The following EPHA5 variants were observed in gnomAD, a reference collection of about 807,000 sequenced individuals.
EPHA5 encodes the protein ephrin type-A receptor 5.
A neutral mutation model predicts 105.0 loss-of-function variants in EPHA5; 60 were observed. The ratio of observed to expected loss-of-function variants is 0.57; its 90% CI spans 0.46 to 0.71. The LOEUF is 0.71. Ranked by LOEUF, EPHA5 falls within the 30% of genes least tolerant of loss-of-function variation. The pLI, the probability that EPHA5 is intolerant of heterozygous loss-of-function variation, is 0.00. For synonymous variants in EPHA5, 513 were observed against 449.1 expected, an observed-to-expected ratio of 1.14 and a Z score of -1.80; for missense variants, 1,218 against 1,274.7, an observed-to-expected ratio of 0.96 and a Z score of 0.68.
At chr4:65,552,345 A>C (rs2149342226) in intron 3 of EPHA5, among the ~76,000 whole-genome samples, 1 of 152,342 alleles carries the variant, frequency 6.6e-6, no homozygotes, top group South Asian at 2.1e-4. Context: ...ATTACTGCTA[A>C]GTTTGGCATA....
chr4:65,403,568 C>G (rs1483856789), intron 8 of EPHA5, among the ~76,000 whole-genome samples: 1 of 150,396 alleles, frequency 6.6e-6, no homozygotes, highest in South Asian at 2.1e-4. Context: ...TGTAGGAAAA[C>G]AGCATACTCT....
chr4:65,625,444 C>A (rs776853679), intron 2 of EPHA5, among the ~76,000 whole-genome samples: 1 of 152,066 alleles, frequency 6.6e-6, no homozygotes. Context: ...GTATGTAATA[C>A]CAGAGAAAAA....
At chr4:65,543,668 A>G (rs1450765350) in intron 3 of EPHA5, among the ~76,000 whole-genome samples, 1 of 151,972 alleles carries the variant, frequency 6.6e-6, no homozygotes, top group African/African-American at 2.4e-5. Flanking sequence ...TATAGATTCA[A>G]TGCTATTCTC....
chr4:65,418,076 C>T (rs189395674), intron 6 of EPHA5, among the ~76,000 whole-genome samples: 136 of 152,220 alleles, frequency 8.9e-4, no homozygotes, highest in African/African-American at 3.2e-3. Context: ...CTTATTGCAT[C>T]TCAGATAGTC....
At chr4:65,350,774 T>C (rs1020071603) in intron 13 of EPHA5, among the ~76,000 whole-genome samples, 2 of 152,048 alleles carry the variant, frequency 1.3e-5, no homozygotes, top group African/African-American at 4.8e-5. Flanking sequence ...TATAACAATA[T>C]GAGTTAGTGA....
chr4:65,430,975 ACT>A (rs1724915249), intron 5 of EPHA5, among the ~76,000 whole-genome samples: 1 of 151,934 alleles, frequency 6.6e-6, no homozygotes, highest in African/African-American at 2.4e-5. Flanking sequence ...TAATTGTAAA[ACT>A]CTTAGTTGTA....
chr4:65,348,030 G>T (rs1219882369), intron 14 of EPHA5, 24 bp downstream of exon 14: 1 of 1,546,264 alleles, frequency 6.5e-7, no homozygotes, highest in Non-Finnish European at 8.7e-7. Context: ...TTGTCAAGTT[G>T]GGAAAGAGTA....
intron 3 of EPHA5, among the ~76,000 whole-genome samples, chr4:65,515,966 G>A (rs1734069412): frequency 1.3e-5 from 2 of 152,156 alleles, no homozygotes; most frequent in Admixed American, 6.6e-5. Context: ...AGAGCTCTTT[G>A]TTCTCAGGCC....
Position 65,636,083 on chromosome 4 carries a change from A to G in EPHA5, c.246+7280T>C, listed in dbSNP as rs527496765. On this transcript the variant is annotated intron_variant, in intron 2 of 16. Coordinates refer to ENST00000613740, the MANE Select transcript of EPHA5 (RefSeq NM_001281766.3). The stretch of plus-strand genomic sequence containing the variant: ...TTAATTAAAATGAGATTTATATAAA[A>G]CAAGACTTTTACCTTTTAAGAAAGA... Among the ~76,000 whole-genome samples, 424 of 152,296 alleles carry G rather than the reference A, an allele frequency of 2.8e-3. 1 individual carries two copies. Among genetic ancestry groups the G allele is most frequent in the African/African-American group, 9.3e-3 (385 of 41,572 alleles).
chr4:65,445,799 A>G (rs1373492783), intron 5 of EPHA5, among the ~76,000 whole-genome samples: 1 of 152,180 alleles, frequency 6.6e-6, no homozygotes, highest in Non-Finnish European at 1.5e-5. Flanking sequence ...AAATCCACAT[A>G]TGGATAAAAC....
intron 5 of EPHA5, among the ~76,000 whole-genome samples, chr4:65,475,164 T>A (rs2149171903): frequency 6.6e-6 from 1 of 152,312 alleles, no homozygotes; most frequent in African/African-American, 2.4e-5. Flanking sequence ...CTGTTTTATT[T>A]TATTAGCCTT....
In EPHA5 at chr4:65,669,585, A is replaced by G; in HGVS notation, c.158T>C (p.Leu53Pro). The G allele has an allele frequency of 7.0e-7, 1 of 1,427,710 alleles. No individual in the cohort carries two copies. Among genetic ancestry groups the G allele is most frequent in the South Asian group, 1.7e-5 (1 of 60,542 alleles). 88.4% of individuals were successfully genotyped at this position (1,427,710 alleles called of 1,614,324 possible). A position where few individuals can be genotyped will look rare whatever the true frequency, so the allele number is the denominator to read the frequency against. ...ACCTTCGTTGCTGGGGCTGGCCAGG[A>G]GGGTCCGGAGTGCGGCGCACAGGAG... ...CLLLCAALRTLLASPSNEVNL... is the reference protein window; with the variant it reads ...CLLLCAALRTPLASPSNEVNL... The change falls in exon 1 of 17, where the codon CTC (leucine) becomes CCC (proline). Residue 53 changes from leucine (L) to proline (P), a missense_variant. Around this residue, in one of 3 missense-constraint regions of EPHA5, gnomAD observed 233 missense variants for 227.5 expected, o/e 1.02. Coordinates refer to ENST00000613740, the MANE Select transcript of EPHA5 (RefSeq NM_001281766.3).
intron 3 of EPHA5, among the ~76,000 whole-genome samples, chr4:65,525,501 T>G: frequency 6.6e-6 from 1 of 151,984 alleles, no homozygotes; most frequent in East Asian, 1.9e-4. Flanking sequence ...CTCTTCCTGC[T>G]CTTAAATTGT....
At chr4:65,507,930 ACTC>A (rs1733228504) in intron 3 of EPHA5, among the ~76,000 whole-genome samples, 1 of 150,610 alleles carries the variant, frequency 6.6e-6, no homozygotes, top group Non-Finnish European at 1.5e-5. Context: ...CAAATTCCCC[ACTC>A]ATAGTTTTTT....
In EPHA5 at chr4:65,404,490, A is replaced by T; in HGVS notation, c.1688-11T>A. ...TGGATGCTGCAACTGCTGATAGGAG[A>T]TACAGAAAATGGAGCTTGTGGTTAA... On this transcript the variant is annotated splice_polypyrimidine_tract_variant and intron_variant, in intron 7 of 16. Coordinates refer to ENST00000613740, the MANE Select transcript of EPHA5 (RefSeq NM_001281766.3). 1 of 1,611,568 alleles carries T rather than the reference A, an allele frequency of 6.2e-7. No individual in the cohort carries two copies. The highest frequency in any genetic ancestry group is 8.5e-7 in the Non-Finnish European group (1 of 1,177,990).
intron 4 of EPHA5, among the ~76,000 whole-genome samples, chr4:65,493,965 T>C (rs1451602678): frequency 6.6e-6 from 1 of 152,228 alleles, no homozygotes; most frequent in Non-Finnish European, 1.5e-5. Context: ...ATTTTCCCTA[T>C]TTGGGCATTC....
At chr4:65,536,958 C>A (rs1333999991) in intron 3 of EPHA5, among the ~76,000 whole-genome samples, 1 of 151,632 alleles carries the variant, frequency 6.6e-6, no homozygotes, top group African/African-American at 2.4e-5. Flanking sequence ...GATGACAACC[C>A]AGTTTTACAT....
At chr4:65,338,954 T>C (rs1721443082) in intron 14 of EPHA5, among the ~76,000 whole-genome samples, 1 of 152,144 alleles carries the variant, frequency 6.6e-6, no homozygotes, top group East Asian at 1.9e-4. Context: ...ACTATTAGAT[T>C]TGTTGATACA....
At chr4:65,624,252 G>A (rs543534094) in intron 2 of EPHA5, among the ~76,000 whole-genome samples, 1 of 151,984 alleles carries the variant, frequency 6.6e-6, no homozygotes. Context: ...AAAATCATGA[G>A]ATTTAATAAA....
Sources: gnomAD v4.1 joint callset for allele counts (sites outside exome capture counted in the v4.1 genomes callset) on GRCh38, gnomAD v4.1.1 for gene constraint, gnomAD v4.1.1 regional missense constraint, MANE v1.5 for transcripts, NCBI Gene and HGNC (gene_info 2026-07-23, HGNC 2026-07-21) for gene names.